The following OFD1 variants were observed in gnomAD, a reference collection of about 807,000 sequenced individuals.
OFD1 encodes the protein OFD1 centriole and centriolar satellite protein, also known as centriole and centriolar satellite protein OFD1.
A neutral mutation model predicts 81.4 loss-of-function variants in OFD1; 12 were observed. The ratio of observed to expected loss-of-function variants is 0.15; its 90% CI spans 0.09 to 0.24. The LOEUF (loss-of-function observed/expected upper bound fraction) is 0.24, where lower values mean the gene tolerates loss of function less well. OFD1 is among the 10% of genes least tolerant of loss of function. The pLI, the probability that OFD1 is intolerant of heterozygous loss-of-function variation, is 1.00. For synonymous variants in OFD1, 256 were observed against 263.7 expected, an observed-to-expected ratio of 0.97 and a Z score of 0.28; for missense variants, 685 against 733.9, an observed-to-expected ratio of 0.93 and a Z score of 0.77.
the OFD1 span, among the ~76,000 whole-genome samples, chrX:13,719,706 A>G: frequency 1.8e-5 from 2 of 111,888 alleles, no homozygotes; most frequent in East Asian, 5.6e-4. Flanking sequence ...AAGGATGAAT[A>G]AACATCTCCA....
At chrX:13,752,807 C>T in intron 10 of OFD1, 3 of 969,076 alleles carry the variant, frequency 3.1e-6, no homozygotes, top group South Asian at 2.0e-5. Context: ...CTTCTATTTC[C>T]TTTTGGAACC....
intron 6 of OFD1, among the ~76,000 whole-genome samples, chrX:13,745,062 G>T (rs147446394): frequency 8.9e-6 from 1 of 111,987 alleles, no homozygotes; most frequent in South Asian, 3.7e-4. Context: ...TGTCAGTTTC[G>T]TGCTCAGTAG....
At chrX:13,730,390 T>G (rs1366826635), upstream of OFD1, among the ~76,000 whole-genome samples, 1 of 112,045 alleles carries the variant, frequency 8.9e-6, no homozygotes, top group African/African-American at 3.2e-5. Context: ...CCAGTTAGAA[T>G]GGCAATCATT....
At chrX:13,762,513 A>G (rs1602916745) in intron 18 of OFD1, 69 bp downstream of exon 18, 5 of 683,174 alleles carry the variant, frequency 7.3e-6, no homozygotes, top group Non-Finnish European at 1.2e-5. Context: ...GGTGAAACGT[A>G]TCCATTGGTT....
chrX:13,718,860 ACT>A, the OFD1 span, among the ~76,000 whole-genome samples: 1 of 111,286 alleles, frequency 9.0e-6, no homozygotes, highest in African/African-American at 3.3e-5. Flanking sequence ...TCGTGTCAAA[ACT>A]CTACAGGTCT....
At position 13,768,036 on chromosome X, in the gene OFD1, T is replaced by G; in HGVS notation, c.2758-18T>G. ...CAAATGTATTTGTGTATTTTCTGTT[T>G]TGGTGCCTGTTTTATAGAAGATGAT... On this transcript the variant is annotated intron_variant, in intron 20 of 22. Coordinates refer to ENST00000340096, the MANE Select transcript of OFD1 (RefSeq NM_003611.3). The G allele has an allele frequency of 8.6e-7, 1 of 1,164,273 alleles. No homozygotes were observed. Among genetic ancestry groups the G allele is most frequent in the East Asian group, 3.0e-5 (1 of 33,614 alleles).
chrX:13,749,239 T>C (rs1406999905), intron 8 of OFD1, among the ~76,000 whole-genome samples, 188 bp from the exon 9 acceptor site: 2 of 111,434 alleles, frequency 1.8e-5, no homozygotes, highest in African/African-American at 3.3e-5. Flanking sequence ...TAACAGTCAT[T>C]GGGGGAGTAA....
In OFD1 at chrX:13,769,093, A is replaced by G. The variant is rs1015323092; in HGVS notation, c.3024A>G (p.Leu1008=). The change falls in exon 23 of 23, where the codon CTA becomes CTG. Residue 1008 remains leucine (L), a synonymous_variant. Coordinates refer to ENST00000340096, the MANE Select transcript of OFD1 (RefSeq NM_003611.3). ...ESLTGFSHEE[L]DDSW ...TAACAGGCTTTTCTCATGAAGAACT[A>G]GACGACTCTTGGTAACCATGTTTGC... 6.7e-6 allele frequency: 8 copies of G among 1,195,312 alleles called. No individual in the cohort carries two copies. The African/African-American group carries it at 1.4e-4, about 21-fold the overall frequency.
chrX:13,722,874 T>C, the OFD1 span, among the ~76,000 whole-genome samples: 128 of 111,053 alleles, frequency 1.2e-3, 1 homozygote, highest in Non-Finnish European at 4.7e-4. Flanking sequence ...CCATCCTGGC[T>C]AACATGGTGA....
intron 8 of OFD1, among the ~76,000 whole-genome samples, chrX:13,747,646 C>T (rs1032292285): frequency 3.6e-5 from 4 of 111,523 alleles, no homozygotes; most frequent in Non-Finnish European, 7.5e-5. Context: ...ATCAAGGACT[C>T]GATCTGGATA....
intron 3 of OFD1, chrX:13,738,549 C>T (rs1443202515): frequency 4.9e-6 from 1 of 202,698 alleles, no homozygotes; most frequent in Non-Finnish European, 9.0e-6. Context: ...GTCATTGGTT[C>T]ATCAGATATT....
chrX:13,757,654 T>A lies in OFD1; in HGVS notation c.1412-6T>A. 1 of 1,206,009 alleles carries A rather than the reference T, an allele frequency of 8.3e-7. No individual in the cohort carries two copies. On this transcript the variant is annotated splice_polypyrimidine_tract_variant and splice_region_variant and intron_variant, in intron 13 of 22. Coordinates refer to ENST00000340096, the MANE Select transcript of OFD1 (RefSeq NM_003611.3). The stretch of plus-strand genomic sequence containing the variant: ...TAGGATTTTTTTTTTTTTTTTACCT[T>A]CTTAGGCCTAGCTCAGCCGGCTCCT...
upstream of OFD1, among the ~76,000 whole-genome samples, chrX:13,731,267 G>C (rs2046671249): frequency 1.8e-5 from 2 of 112,029 alleles, 1 homozygote; most frequent in African/African-American, 6.5e-5. Context: ...TTATCTCCTA[G>C]TCTATAACAG....
downstream of OFD1, chrX:13,772,062 A>G (rs898467600): frequency 8.9e-6 from 1 of 112,428 alleles, no homozygotes; most frequent in Non-Finnish European, 1.9e-5. Flanking sequence ...TCTGTGAAAG[A>G]TATTTGGGTC....
intron 7 of OFD1, 58 bp from the exon 8 acceptor site, chrX:13,746,722 G>A: frequency 1.1e-6 from 1 of 934,289 alleles, no homozygotes; most frequent in African/African-American, 2.0e-5. Flanking sequence ...GAGAGAACTT[G>A]TTCCTGTTTT....
chrX:13,749,575 AT>A, intron 9 of OFD1, 42 bp downstream of exon 9: 1 of 781,381 alleles, frequency 1.3e-6, no homozygotes, highest in Non-Finnish European at 2.0e-6. Context: ...GAATGATGAG[AT>A]TAAAAAGAAT....
intron 9 of OFD1, among the ~76,000 whole-genome samples, chrX:13,749,785 G>C (rs1296769478): frequency 8.9e-6 from 1 of 112,462 alleles, no homozygotes; most frequent in Non-Finnish European, 1.9e-5. Context: ...ATTTGGAGAA[G>C]CTGTTAATAC....
In OFD1 at chrX:13,734,979, T is replaced by TC. The variant is rs1397409112; in HGVS notation, c.-88dup. ...GAGGCAGGGTTCTGAGGGCAGGGAT[T>TC]CCCCCTCGTCTTGGCCCCACCGCCC... On this transcript the variant is annotated 5_prime_UTR_variant, in exon 1 of 23. Transcript: ENST00000340096. 1 of 1,153,338 alleles carries TC rather than the reference T, an allele frequency of 8.7e-7. No homozygotes were observed. Among genetic ancestry groups the TC allele is most frequent in the African/African-American group, 1.8e-5 (1 of 55,938 alleles).
At chrX:13,717,962 T>C in the OFD1 span, among the ~76,000 whole-genome samples, 1 of 111,626 alleles carries the variant, frequency 9.0e-6, no homozygotes, top group Non-Finnish European at 1.9e-5. Flanking sequence ...CATTTAGAGA[T>C]GCACACAGGG....
Sources: allele counts gnomAD v4.1 joint callset (sites outside exome capture counted in the v4.1 genomes callset), GRCh38; gene constraint gnomAD v4.1.1; transcripts MANE v1.5; gene names NCBI Gene and HGNC (gene_info 2026-07-23, HGNC 2026-07-21).